The following BACE1 variants were observed in gnomAD, a reference collection of about 807,000 sequenced individuals.
The protein encoded by BACE1 is APP beta-secretase.
Under a neutral mutation model 54.0 loss-of-function variants are expected in BACE1, and 21 were observed. The observed-to-expected ratio is 0.39, with a 90% confidence interval of 0.28 to 0.56. The LOEUF is 0.56. Ranked by LOEUF, BACE1 falls within the 20% of genes least tolerant of loss-of-function variation. BACE1 has a pLI of 0.63. For missense variants in BACE1, 511 were observed against 661.2 expected (o/e 0.77, Z 2.49); for synonymous variants, 232 against 260.9 (o/e 0.89, Z 1.07).
chr11:117,290,627 C>T lies in BACE1; in HGVS notation c.1125G>A (p.Thr375=), dbSNP rs75519595. 118 of 1,614,188 alleles carry T rather than the reference C, an allele frequency of 7.3e-5. No homozygotes were observed. The highest frequency in any genetic ancestry group is 9.2e-5 in the Non-Finnish European group (108 of 1,180,036). Residue 375 remains threonine, a synonymous_variant, in exon 8 of 9, where the codon ACG becomes ACA. Transcript: ENST00000313005. ...QYLRPVEDVA[T]SQDDCYKFAI... Reference sequence around the variant, plus strand: ...CAAACTTGTAACAGTCGTCTTGGGACGTGGCCACATCTTCCACTGGCCGCA... The same window carrying T: ...CAAACTTGTAACAGTCGTCTTGGGATGTGGCCACATCTTCCACTGGCCGCA...
At position 117,293,950 on chromosome 11, in the gene BACE1, T is replaced by C. The variant is rs1170877824; in HGVS notation, c.626A>G (p.Asn209Ser). The C allele has an allele frequency of 8.7e-6, 14 of 1,612,446 alleles. No homozygotes were observed. The highest frequency in any genetic ancestry group is 3.3e-5 in the Admixed American group (2 of 59,836). ...ACCACAAAGCTGCAGGGAGAAGAGGTTGGGAACGTGGGTCTGCTTTACCAG... is the reference window on the plus strand; with the variant it reads ...ACCACAAAGCTGCAGGGAGAAGAGGCTGGGAACGTGGGTCTGCTTTACCAG... ...DSLVKQTHVP[N>S]LFSLQLCGAG... Residue 209 changes from asparagine to serine, a missense_variant, in exon 4 of 9, where the codon AAC becomes AGC. By Grantham distance (46) the Asn-to-Ser change is conservative. Transcript: ENST00000313005. This position sits in a 1 kb window ranked among gnomAD's most constrained non-coding sequence, Gnocchi z 4.1.
Position 117,295,257 on chromosome 11 carries a change from G to C in BACE1, c.441C>G (p.Ser147Arg). ...CAGTGACGTTGGGGCCATGGGGGAT[G>C]CTTACCAGGTCGGTGCCCAGCTCCC... ...WEGELGTDLVSIPHGPNVTVR... is the reference protein window; with the variant it reads ...WEGELGTDLVRIPHGPNVTVR... Residue 147 changes from serine to arginine, a missense_variant, in exon 3 of 9, where the codon AGC (serine) becomes AGG (arginine). Ser to Arg is a moderately radical substitution (Grantham distance 110, BLOSUM62 -1). Coordinates refer to ENST00000313005, the MANE Select transcript of BACE1 (RefSeq NM_012104.6). 6.2e-7 allele frequency: 1 copy of C among 1,614,224 alleles called. No homozygotes were observed. The highest frequency in any genetic ancestry group is 8.5e-7 in the Non-Finnish European group (1 of 1,180,040).
chr11:117,314,637 G>C (rs2035037043), intron 1 of BACE1: 1 of 152,580 alleles, frequency 6.6e-6, no homozygotes, highest in Non-Finnish European at 1.5e-5. Context: ...AGAGGCGGCA[G>C]ATGCACACAG....
At chr11:117,291,167 G>T in intron 6 of BACE1, 118 bp from the exon 7 acceptor site, 2 of 1,310,776 alleles carry the variant, frequency 1.5e-6, no homozygotes, top group Non-Finnish European at 2.1e-6. Context: ...TATCTAAAGT[G>T]GGGAGGGGTA....
At chr11:117,302,093 G>A (rs543360540) in intron 1 of BACE1, among the ~76,000 whole-genome samples, 11 of 152,268 alleles carry the variant, frequency 7.2e-5, no homozygotes, top group African/African-American at 2.6e-4. Context: ...CAGCACTTTG[G>A]GAGGCTGAGG....
chr11:117,314,790 CT>C (rs565478519), intron 1 of BACE1: 22 of 152,594 alleles, frequency 1.4e-4, no homozygotes, highest in African/African-American at 4.3e-4. Context: ...TGTAACTCCC[CT>C]CTCCCCCGCC....
chr11:117,302,795 G>A (rs1356469812), intron 1 of BACE1, among the ~76,000 whole-genome samples: 3 of 152,202 alleles, frequency 2.0e-5, no homozygotes, highest in African/African-American at 7.2e-5. Flanking sequence ...TGAAGCACGA[G>A]AATCACTTGA....
intron 1 of BACE1, among the ~76,000 whole-genome samples, chr11:117,302,884 CAAAAT>C (rs1022090470): frequency 5.9e-5 from 9 of 152,272 alleles, no homozygotes; most frequent in African/African-American, 1.9e-4. Flanking sequence ...TACCTTGTCT[CAAAAT>C]AAAATAAAAT....
Position 117,289,478 on chromosome 11 carries a change from A to G in BACE1, c.*88T>C. On this transcript the variant is annotated 3_prime_UTR_variant, in exon 9 of 9. Coordinates refer to ENST00000313005, the MANE Select transcript of BACE1 (RefSeq NM_012104.6). Reference sequence around the variant, plus strand: ...GAGGGTCCTGAGGTGCTCTGGCCACAGGTGCCATCTGTGTCTCCTACTTGT... The same window carrying G: ...GAGGGTCCTGAGGTGCTCTGGCCACGGGTGCCATCTGTGTCTCCTACTTGT... 1.3e-6 allele frequency: 2 copies of G among 1,529,536 alleles called. No homozygotes were observed. Among genetic ancestry groups the G allele is most frequent in the Admixed American group, 4.0e-5 (2 of 50,592 alleles). The allele number at this position is 1,529,536 out of a possible 1,614,324, so 94.7% of individuals were successfully genotyped here. A position where few individuals can be genotyped will look rare whatever the true frequency, so the allele number is the denominator to read the frequency against.
intron 1 of BACE1, among the ~76,000 whole-genome samples, chr11:117,299,205 A>C (rs945203297): frequency 6.6e-6 from 1 of 152,152 alleles, no homozygotes; most frequent in African/African-American, 2.4e-5. Flanking sequence ...CTCACAGGCA[A>C]AAAAAGGAAA....
At chr11:117,290,736 C>T in intron 7 of BACE1, 77 bp from the exon 8 acceptor site, 4 of 1,577,522 alleles carry the variant, frequency 2.5e-6, no homozygotes, top group Non-Finnish European at 3.4e-6. Context: ...GCATCTATGC[C>T]CTTCCCTTTA....
chr11:117,293,437 T>G lies in BACE1; in HGVS notation c.706-249A>C. The G allele has an allele frequency of 2.9e-6, 1 of 349,878 alleles. No individual in the cohort carries two copies. Among genetic ancestry groups the G allele is most frequent in the Non-Finnish European group, 5.1e-6 (1 of 197,846 alleles). The allele number at this position is 349,878 out of a possible 1,614,324, so 21.7% of individuals were successfully genotyped here. On this transcript the variant is annotated intron_variant, in intron 4 of 8. Coordinates refer to ENST00000313005, the MANE Select transcript of BACE1 (RefSeq NM_012104.6). This position sits in a 1 kb window ranked among gnomAD's most constrained non-coding sequence, Gnocchi z 4.1. Reference sequence around the variant, plus strand: ...AATCATACAGCCCTTGATATAAAGTTATTTAAATCTAAACTGCCACAATAA... The same window carrying G: ...AATCATACAGCCCTTGATATAAAGTGATTTAAATCTAAACTGCCACAATAA...
At chr11:117,303,534 GC>G (rs967737967) in intron 1 of BACE1, among the ~76,000 whole-genome samples, 6 of 152,172 alleles carry the variant, frequency 3.9e-5, no homozygotes, top group African/African-American at 1.4e-4. Flanking sequence ...ACCTTTCTTG[GC>G]CTCAGCTCTC....
At position 117,293,127 on chromosome 11, in the gene BACE1, C is replaced by T. The variant is rs768360762; in HGVS notation, c.767G>A (p.Arg256Gln). 10 of 1,613,948 alleles carry T rather than the reference C, an allele frequency of 6.2e-6. No homozygotes were observed. Among genetic ancestry groups the T allele is most frequent in the South Asian group, 1.1e-5 (1 of 91,070 alleles). ...TGSLWYTPIR[R>Q]EWYYEVIIVR... is the part of the protein sequence containing the mutation. Reference sequence around the variant, plus strand: ...AATGATCACCTCATAATACCACTCCCGCCGGATGGGTGTATACCAGAGACT... The same window carrying T: ...AATGATCACCTCATAATACCACTCCTGCCGGATGGGTGTATACCAGAGACT... Residue 256 changes from arginine to glutamine, a missense_variant, in exon 5 of 9, where the codon CGG (arginine) becomes CAG (glutamine). Physicochemically the swap from Arg to Gln is conservative, Grantham distance 43. Transcript: ENST00000313005. This position sits in a 1 kb window ranked among gnomAD's most constrained non-coding sequence, Gnocchi z 4.1.
At chr11:117,306,623 C>A (rs190341966) in intron 1 of BACE1, among the ~76,000 whole-genome samples, 1 of 152,054 alleles carries the variant, frequency 6.6e-6, no homozygotes, top group Non-Finnish European at 1.5e-5. Context: ...ATTCTGGCCA[C>A]ATAGTGAAAC....
In BACE1 at chr11:117,288,861, A is replaced by G. The variant is rs2034334271; in HGVS notation, c.*705T>C. On this transcript the variant is annotated 3_prime_UTR_variant, in exon 9 of 9. Transcript: ENST00000313005. ...CATTGAAAACAACACCCATCTTCTG[A>G]GATGGGATGCTATCTTGGAGATGAG... The G allele has an allele frequency of 6.6e-6, 1 of 152,354 alleles. No homozygotes were observed. The highest frequency in any genetic ancestry group is 2.1e-4 in the South Asian group (1 of 4,830). 9.4% of individuals were successfully genotyped at this position (152,354 alleles called of 1,614,324 possible). A position where few individuals can be genotyped will look rare whatever the true frequency, so the allele number is the denominator to read the frequency against.
In BACE1 at chr11:117,289,538, A is replaced by T. The variant is rs772169913; in HGVS notation, c.*28T>A. The T allele has an allele frequency of 6.8e-6, 11 of 1,611,286 alleles. No homozygotes were observed. The Admixed American group carries it at 1.7e-4, about 24-fold the overall frequency. On this transcript the variant is annotated 3_prime_UTR_variant, in exon 9 of 9. Transcript: ENST00000313005. ...GAACCACGGAGGTGTGGTCCAGGGG[A>T]ATCTCTATCTTCTGCCCATGGGCCT...
chr11:117,291,233 C>T (rs1014777513), intron 6 of BACE1, among the ~76,000 whole-genome samples, 184 bp from the exon 7 acceptor site: 2 of 150,684 alleles, frequency 1.3e-5, no homozygotes, highest in African/African-American at 2.4e-5. Flanking sequence ...ACTTTTGTAC[C>T]GGGGGATTGT....
Position 117,292,974 on chromosome 11 carries a change from C to T in BACE1, c.840+80G>A, listed in dbSNP as rs1017025793. The T allele has an allele frequency of 4.6e-6, 7 of 1,538,168 alleles. No individual in the cohort carries two copies. The African/African-American group carries it at 9.6e-5, about 21-fold the overall frequency. On this transcript the variant is annotated intron_variant, in intron 5 of 8. Transcript: ENST00000313005. ...GTCCTATTACCTCTGCCTCATCCTC[C>T]CAACATGATAACCAGAGTCTTCCTT... is the stretch of plus-strand genomic sequence containing the variant.
Sources: allele counts gnomAD v4.1 joint callset (sites outside exome capture counted in the v4.1 genomes callset), GRCh38; gene constraint gnomAD v4.1.1; non-coding constraint Gnocchi (gnomAD v3.1); transcripts MANE v1.5; gene names NCBI Gene and HGNC (gene_info 2026-07-23, HGNC 2026-07-21).